Variants in PEX1 observed in about 807,000 individuals in gnomAD.
The protein encoded by PEX1 is peroxisomal biogenesis factor 1, also known as peroxisomal ATPase PEX1.
PEX1 carries 97 observed loss-of-function variants against 152.5 expected under a neutral mutation model. That is an observed-to-expected ratio of 0.64 (90% confidence interval 0.54 to 0.75). PEX1 has a LOEUF of 0.75. PEX1 is among the 30% of genes least tolerant of loss of function. PEX1 has a pLI of 0.00. For synonymous variants in PEX1, 485 were observed against 531.6 expected (o/e 0.91, Z 1.21); for missense variants, 1,357 against 1,516.3 (o/e 0.89, Z 1.74).
At chr7:92,507,236 AT>A in intron 9 of PEX1, 110 bp from the exon 10 acceptor site, 1 of 932,128 alleles carries the variant, frequency 1.1e-6, no homozygotes, top group Non-Finnish European at 1.6e-6. Flanking sequence ...ATTTAATTTA[AT>A]TTTTTATCTT....
At chr7:92,489,673 A>G in intron 22 of PEX1, 41 bp downstream of exon 22, 4 of 1,556,124 alleles carry the variant, frequency 2.6e-6, no homozygotes, top group Non-Finnish European at 3.5e-6. Flanking sequence ...AACAATTTTT[A>G]AGAAGTTTTA....
Position 92,499,683 on chromosome 7 carries a change from GAAGAT to G in PEX1, c.2718+16_2718+20del. 6.3e-7 allele frequency: 1 copy of G among 1,592,968 alleles called. No homozygotes were observed. The highest frequency in any genetic ancestry group is 8.6e-7 in the Non-Finnish European group (1 of 1,161,410). ...TGTTAATTTTACCTAAATAAAAAAA[GAAGAT>G]AAGTAGACAACATACCTTGACACTT... is the stretch of plus-strand genomic sequence containing the variant. On this transcript the variant is annotated intron_variant, in intron 16 of 23. Coordinates refer to ENST00000248633, the MANE Select transcript of PEX1 (RefSeq NM_000466.3).
intron 6 of PEX1, among the ~76,000 whole-genome samples, chr7:92,512,441 G>T: frequency 6.6e-6 from 1 of 152,130 alleles, no homozygotes; most frequent in Admixed American, 6.5e-5. Context: ...ACTTCAGTCA[G>T]CCTCCTGAGT....
At chr7:92,520,559 G>A (rs1052247850) in intron 2 of PEX1, among the ~76,000 whole-genome samples, 1 of 152,028 alleles carries the variant, frequency 6.6e-6, no homozygotes, top group Non-Finnish European at 1.5e-5. Flanking sequence ...AGCACCCTTG[G>A]CTATTCTGTT....
chr7:92,500,156 T>C (rs1487277198), intron 15 of PEX1, among the ~76,000 whole-genome samples: 3 of 152,240 alleles, frequency 2.0e-5, no homozygotes, highest in Non-Finnish European at 2.9e-5. Flanking sequence ...TTAACAAGTA[T>C]AGTGCCTTTC....
At chr7:92,503,338 A>T (rs1414851995) in intron 12 of PEX1, 143 bp from the exon 13 acceptor site, 2 of 719,928 alleles carry the variant, frequency 2.8e-6, no homozygotes, top group African/African-American at 1.8e-5. Flanking sequence ...GTCTTTAAAA[A>T]ATGAATCCAT....
intron 2 of PEX1, among the ~76,000 whole-genome samples, chr7:92,521,312 T>TA (rs1217943401): frequency 6.6e-6 from 1 of 152,142 alleles, no homozygotes; most frequent in African/African-American, 2.4e-5. Context: ...AATAACTTGA[T>TA]AAACATAAGA....
At chr7:92,491,153 T>C in intron 21 of PEX1, 119 bp downstream of exon 21, 2 of 713,384 alleles carry the variant, frequency 2.8e-6, no homozygotes, top group South Asian at 1.6e-5. Flanking sequence ...ACTATTTTAC[T>C]GAAGAACCAA....
intron 5 of PEX1, among the ~76,000 whole-genome samples, chr7:92,515,389 A>T (rs1054822181): frequency 5.3e-5 from 8 of 152,046 alleles, no homozygotes; most frequent in African/African-American, 1.9e-4. Flanking sequence ...TGTTAGTTGT[A>T]TCACCAAGTG....
At chr7:92,520,253 T>C (rs1377268438) in intron 2 of PEX1, among the ~76,000 whole-genome samples, 1 of 152,148 alleles carries the variant, frequency 6.6e-6, no homozygotes, top group Non-Finnish European at 1.5e-5. Context: ...TGCTAAGCAA[T>C]CCTGGGTAAA....
intron 5 of PEX1, among the ~76,000 whole-genome samples, chr7:92,516,062 AAAG>A (rs1437690712): frequency 0.14 from 11,694 of 86,140 alleles, 658 homozygotes; most frequent in Admixed American, 0.18. Context: ...AGAAAAAAGA[AAAG>A]AAAAGAAAAG....
intron 1 of PEX1, among the ~76,000 whole-genome samples, chr7:92,523,326 CTTTT>C (rs748738315): frequency 6.9e-6 from 1 of 145,958 alleles, no homozygotes; most frequent in Non-Finnish European, 1.5e-5. Context: ...CATTTTCGAA[CTTTT>C]TTTTTTTTTG....
chr7:92,508,430 T>TA (rs1206810627), intron 9 of PEX1, among the ~76,000 whole-genome samples: 5 of 151,592 alleles, frequency 3.3e-5, no homozygotes, highest in Non-Finnish European at 5.9e-5. Context: ...CCCAGCTACT[T>TA]AGGAGGCTGA....
intron 5 of PEX1, among the ~76,000 whole-genome samples, chr7:92,516,055 A>AAAAAGAAAAAAGAAAAG (rs1554374886): frequency 7.7e-4 from 66 of 85,784 alleles, no homozygotes; most frequent in African/African-American, 2.8e-3. Flanking sequence ...AGAGAAGAGA[A>AAAAAGAAAAAAGAAAAG]AAAAGAAAAG....
chr7:92,518,309 T>C, intron 3 of PEX1, 54 bp from the exon 4 acceptor site: 2 of 1,099,490 alleles, frequency 1.8e-6, no homozygotes, highest in Non-Finnish European at 2.8e-6. Flanking sequence ...CCACTCCATA[T>C]CTAGTTAAAA....
chr7:92,525,774 A>C (rs1200318576), intron 1 of PEX1, among the ~76,000 whole-genome samples: 3 of 152,238 alleles, frequency 2.0e-5, no homozygotes, highest in Non-Finnish European at 4.4e-5. Flanking sequence ...TTGAGTAAAC[A>C]AGAGAATACA....
At chr7:92,503,222 G>C in intron 12 of PEX1, 27 bp from the exon 13 acceptor site, 1 of 1,601,236 alleles carries the variant, frequency 6.2e-7, no homozygotes, top group Non-Finnish European at 8.6e-7. Flanking sequence ...TAGTGCAAAA[G>C]CTTAGGAAAA....
chr7:92,506,426 T>G (rs1026714824), intron 10 of PEX1, 82 bp from the exon 11 acceptor site: 1 of 887,084 alleles, frequency 1.1e-6, no homozygotes, highest in African/African-American at 1.6e-5. Flanking sequence ...CCACCAAGAT[T>G]CAGCCTCAAT....
intron 19 of PEX1, chr7:92,493,682 ATT>A (rs1227379774): frequency 3.9e-5 from 6 of 153,796 alleles, no homozygotes; most frequent in Non-Finnish European, 7.2e-5. Flanking sequence ...AGTGTAAATA[ATT>A]TCTTATTCAC....
Sources: allele counts gnomAD v4.1 joint callset (sites outside exome capture counted in the v4.1 genomes callset), GRCh38; gene constraint gnomAD v4.1.1; transcripts MANE v1.5; gene names NCBI Gene and HGNC (gene_info 2026-07-23, HGNC 2026-07-21).